Variants in ZFHX3 observed in about 807,000 individuals in gnomAD.
ZFHX3 encodes zinc finger homeobox protein 3.
Under a neutral mutation model 279.1 loss-of-function variants are expected in ZFHX3, and 42 were observed. The observed-to-expected ratio is 0.15, with a 90% CI of 0.12 to 0.19. The LOEUF is 0.19. Ranked by LOEUF, ZFHX3 falls within the 10% of genes least tolerant of loss-of-function variation. The pLI, the probability that ZFHX3 is intolerant of heterozygous loss-of-function variation, is 1.00. For missense variants in ZFHX3, 4,981 were observed against 4,754.0 expected, an observed-to-expected ratio of 1.05 and a Z score of -1.40; for synonymous variants, 2,293 against 1,957.8, an observed-to-expected ratio of 1.17 and a Z score of -4.52.
chr16:73,635,496 G>A (rs1270486534), intron 2 of ZFHX3, among the ~76,000 whole-genome samples: 1 of 152,226 alleles, frequency 6.6e-6, no homozygotes, highest in African/African-American at 2.4e-5. Context: ...GGGAGCTGAT[G>A]TCCTAGGCTT....
intron 3 of ZFHX3, among the ~76,000 whole-genome samples, chr16:73,454,230 C>T (rs2018331539): frequency 6.6e-6 from 1 of 152,144 alleles, no homozygotes; most frequent in Non-Finnish European, 1.5e-5. Context: ...TTCTAAGAGT[C>T]TACAGTATGC....
At chr16:73,304,131 C>T (rs2015124498) in intron 4 of ZFHX3, among the ~76,000 whole-genome samples, 1 of 152,222 alleles carries the variant, frequency 6.6e-6, no homozygotes, top group Non-Finnish European at 1.5e-5. Flanking sequence ...CTCAGCCTCA[C>T]GGAGCTTGCA....
rs1216563288 is a variant in ZFHX3, at chr16:72,795,143, G to A, written c.7539C>T (p.His2513=). 3 of 1,613,474 alleles carry A rather than the reference G, an allele frequency of 1.9e-6. No individual in the cohort carries two copies. The highest frequency in any genetic ancestry group is 2.2e-5 in the East Asian group (1 of 44,848). ...QLSHLPLKPL[H]TSTPQQLANL... is the part of the protein sequence containing the mutation. ...TTGCGAGCTGTTGAGGAGTTGATGT[G>A]TGGAGGGGCTTGAGGGGCAGGTGGG... The change falls in exon 9 of 10, where the codon CAC becomes CAT. Residue 2513 remains histidine, a synonymous_variant. Coordinates refer to ENST00000268489, the MANE Select transcript of ZFHX3 (RefSeq NM_006885.4).
At chr16:73,146,566 C>T (rs1182464601) in intron 5 of ZFHX3, among the ~76,000 whole-genome samples, 6 of 152,138 alleles carry the variant, frequency 3.9e-5, no homozygotes, top group Non-Finnish European at 2.9e-5. Flanking sequence ...GTTGAAATTG[C>T]AAGGTTATTC....
At chr16:73,648,361 T>A (rs916060126) in intron 2 of ZFHX3, among the ~76,000 whole-genome samples, 1 of 152,144 alleles carries the variant, frequency 6.6e-6, no homozygotes, top group Non-Finnish European at 1.5e-5. Flanking sequence ...TTAAAAAACA[T>A]AGAACAGTTT....
intron 3 of ZFHX3, among the ~76,000 whole-genome samples, chr16:73,455,137 C>T (rs1271484154): frequency 2.6e-5 from 4 of 151,160 alleles, no homozygotes; most frequent in African/African-American, 9.8e-5. Context: ...AGAATGACCC[C>T]TTGATAGAAA....
At chr16:73,610,943 T>C (rs578157987) in intron 2 of ZFHX3, among the ~76,000 whole-genome samples, 1 of 152,302 alleles carries the variant, frequency 6.6e-6, no homozygotes, top group South Asian at 2.1e-4. Context: ...AGGAAGACTC[T>C]GAGACAAGCT....
rs1330055540 is a variant in ZFHX3 at position 73,014,891 on chromosome 16, A to G, written c.-50+32861T>C. Reference sequence around the variant, plus strand: ...AGGGGGACAGAACCACTGGACACACAGAAGCAGGGGTGTCCCTGAAGGGTT... The same window carrying G: ...AGGGGGACAGAACCACTGGACACACGGAAGCAGGGGTGTCCCTGAAGGGTT... On this transcript the variant is annotated intron_variant, in intron 1 of 9. Coordinates refer to ENST00000268489, the MANE Select transcript of ZFHX3 (RefSeq NM_006885.4). Among the ~76,000 whole-genome samples the G allele has an allele frequency of 2.6e-5, 4 of 152,180 alleles. No homozygotes were observed. The South Asian group carries it at 8.3e-4, about 32-fold the overall frequency.
chr16:72,858,890 CA>C (rs2037816728), intron 4 of ZFHX3, among the ~76,000 whole-genome samples: 1 of 152,226 alleles, frequency 6.6e-6, no homozygotes, highest in African/African-American at 2.4e-5. Flanking sequence ...AGCTTCAGGC[CA>C]AACCAAACAC....
chr16:73,275,125 T>C (rs1426942761), intron 4 of ZFHX3, among the ~76,000 whole-genome samples: 1 of 152,230 alleles, frequency 6.6e-6, no homozygotes, highest in Non-Finnish European at 1.5e-5. Flanking sequence ...TGCCATTTCC[T>C]GTTTCGGGAC....
intron 5 of ZFHX3, among the ~76,000 whole-genome samples, chr16:73,188,612 T>C (rs1967965015): frequency 6.6e-6 from 1 of 152,194 alleles, no homozygotes; most frequent in African/African-American, 2.4e-5. Context: ...CCTGCCCTTA[T>C]TTTCCTATCA....
chr16:73,713,783 C>T lies in ZFHX3; in HGVS notation c.-1607-33543G>A, dbSNP rs148317094. On this transcript the variant is annotated intron_variant, in intron 1 of 17. Coordinates refer to the ZFHX3 transcript ENST00000641206. ...CTTTGACACCAGCACAGCAAGCGAG[C>T]GATACAAATCCTGTTCAGGCTACAA... 1.2e-3 allele frequency among the ~76,000 whole-genome samples: 177 copies of T among 152,136 alleles called. 2 individuals carry two copies. The highest frequency in any genetic ancestry group is 6.8e-3 in the Middle Eastern group (2 of 294).
At chr16:73,632,066 G>A (rs1165560217) in intron 2 of ZFHX3, among the ~76,000 whole-genome samples, 1 of 152,110 alleles carries the variant, frequency 6.6e-6, no homozygotes, top group Non-Finnish European at 1.5e-5. Flanking sequence ...GAGGAGCTGG[G>A]AAGAAAGAAA....
chr16:72,806,679 C>T (rs1469006581), intron 7 of ZFHX3, among the ~76,000 whole-genome samples: 2 of 152,020 alleles, frequency 1.3e-5, no homozygotes, highest in Non-Finnish European at 1.5e-5. Flanking sequence ...ACACATGAAG[C>T]ATAGAGAGTC....
intron 5 of ZFHX3, among the ~76,000 whole-genome samples, chr16:73,218,870 T>A (rs1413025148): frequency 6.6e-6 from 1 of 152,238 alleles, no homozygotes; most frequent in African/African-American, 2.4e-5. Flanking sequence ...TCCACAATGT[T>A]GTGCAACCAT....
In ZFHX3 at chr16:73,338,865, G is replaced by C. The variant is rs2015970282; in HGVS notation, c.-1290-20529C>G. ...GGTTTAGCACCATCCGCTTGGTGCTGTCCTCGCCATAGTGGATGAGTTCTT... is the reference window on the plus strand; with the variant it reads ...GGTTTAGCACCATCCGCTTGGTGCTCTCCTCGCCATAGTGGATGAGTTCTT... On this transcript the variant is annotated intron_variant, in intron 3 of 17. Transcript: ENST00000641206. Among the ~76,000 whole-genome samples the C allele has an allele frequency of 2.0e-5, 3 of 152,254 alleles. 1 individual carries two copies. In the South Asian group the frequency reaches 6.2e-4, roughly 32 times the overall value.
At chr16:72,917,693 A>G (rs1383744140) in intron 3 of ZFHX3, among the ~76,000 whole-genome samples, 1 of 152,260 alleles carries the variant, frequency 6.6e-6, no homozygotes, top group Non-Finnish European at 1.5e-5. Flanking sequence ...ACATCTGTAC[A>G]GAAGAGGCCA....
At chr16:73,304,375 A>G (rs937802893) in intron 4 of ZFHX3, among the ~76,000 whole-genome samples, 6 of 152,130 alleles carry the variant, frequency 3.9e-5, no homozygotes, top group African/African-American at 1.2e-4. Flanking sequence ...TGCTGTTTCT[A>G]TCTGGGTGGA....
At chr16:73,887,726 T>C (rs2030393825) in intron 1 of ZFHX3, among the ~76,000 whole-genome samples, 1 of 152,200 alleles carries the variant, frequency 6.6e-6, no homozygotes, top group African/African-American at 2.4e-5. Context: ...TAAAGTTTTC[T>C]AAAGTAACAC....
Sources: gnomAD v4.1 joint callset for allele counts (sites outside exome capture counted in the v4.1 genomes callset) on GRCh38, gnomAD v4.1.1 for gene constraint, MANE v1.5 for transcripts, NCBI Gene and HGNC (gene_info 2026-07-23, HGNC 2026-07-21) for gene names.